The following SMARCC2 variants were observed in gnomAD, a reference collection of about 807,000 sequenced individuals.
SMARCC2 encodes SWI/SNF complex subunit SMARCC2.
In SMARCC2, 15 loss-of-function variants were observed where a neutral mutation model predicts 151.3. That is an observed-to-expected ratio of 0.10 (90% CI 0.07 to 0.15). The LOEUF (loss-of-function observed/expected upper bound fraction) is 0.15, where lower values mean the gene tolerates loss of function less well. Ranked by LOEUF, SMARCC2 falls within the 10% of genes least tolerant of loss-of-function variation. The probability of loss-of-function intolerance (pLI) is 1.00; values close to 1 mark genes in which losing one functional copy is unlikely to be tolerated. For missense variants in SMARCC2, 1,031 were observed against 1,599.7 expected, an observed-to-expected ratio of 0.64 and a Z score of 6.06; for synonymous variants, 590 against 609.5, an observed-to-expected ratio of 0.97 and a Z score of 0.47.
In SMARCC2 at chr12:56,169,610, TG is replaced by T. The variant is rs1873519323; in HGVS notation, c.2633del (p.Thr878LysfsTer25). ...EVVESEGERKTKVERDIGEGN... is the reference protein window; with the variant it reads ...EVVESEGERKXKVERDIGEGN... ...CCTCGCCAATGTCCCGCTCCACCTT[TG>T]TCTTCCTTTCCCCCTCAGACTCCAC... is the stretch of plus-strand genomic sequence containing the variant. On this transcript the variant is annotated frameshift_variant, in exon 25 of 29. Transcript: ENST00000550164. LOFTEE classifies it high-confidence loss of function. 1 of 1,613,920 alleles carries T rather than the reference TG, an allele frequency of 6.2e-7. No homozygotes were observed. Among genetic ancestry groups the T allele is most frequent in the African/African-American group, 1.3e-5 (1 of 74,926 alleles).
rs188694503 is a variant in SMARCC2 at position 56,167,665 on chromosome 12, C to A, written c.2850+395G>T. ...AATCACTATTTGAGTCTACTATGGG[C>A]CAAGCACTGTTCAAGGACCTGGAGA... On this transcript the variant is annotated intron_variant, in intron 26 of 28. Transcript: ENST00000550164. Among the ~76,000 whole-genome samples, 749 of 152,162 alleles carry A rather than the reference C, an allele frequency of 4.9e-3. 11 individuals carry two copies. The highest frequency in any genetic ancestry group is 0.017 in the African/African-American group (702 of 41,508).
rs1873587432 is a variant in SMARCC2, at chr12:56,169,908, G to C, written c.2416C>G (p.Pro806Ala). Residue 806 changes from proline to alanine, a missense_variant, in exon 24 of 29, where the codon CCC becomes GCC. By Grantham distance (27) the Pro-to-Ala change is conservative. Transcript: ENST00000550164. ...ATDEKKEPKE[P>A]REGGGAIEEE... ...TCTATAGCACCCCCTCCTTCTCGGG[G>C]TTCCTGAAATTCCAGTGATAGAAAA... 5.0e-6 allele frequency: 8 copies of C among 1,613,420 alleles called. No individual in the cohort carries two copies. Among genetic ancestry groups the C allele is most frequent in the Non-Finnish European group, 6.8e-6 (8 of 1,179,862 alleles).
intron 26 of SMARCC2, 31 bp from the exon 27 acceptor site, chr12:56,165,730 A>G: frequency 6.3e-7 from 1 of 1,599,622 alleles, no homozygotes; most frequent in Non-Finnish European, 8.5e-7. Flanking sequence ...TTGTTATCCA[A>G]TTTTCAGCAG....
At chr12:56,184,705 T>A (rs1369757384) in intron 5 of SMARCC2, 139 bp downstream of exon 5, 2 of 623,510 alleles carry the variant, frequency 3.2e-6, no homozygotes, top group Admixed American at 2.9e-5. Context: ...ACTCAAGGCT[T>A]TAACTCAAGT....
intron 23 of SMARCC2, 71 bp downstream of exon 23, chr12:56,170,073 G>A: frequency 6.7e-7 from 1 of 1,499,472 alleles, no homozygotes; most frequent in South Asian, 1.1e-5. Flanking sequence ...CACCTAAGCT[G>A]AACAAGGCCA....
chr12:56,171,260 C>CCTGG lies in SMARCC2; in HGVS notation c.2347+7_2347+10dup. The CCTGG allele has an allele frequency of 6.2e-7, 1 of 1,613,864 alleles. No individual in the cohort carries two copies. Among genetic ancestry groups the CCTGG allele is most frequent in the East Asian group, 2.2e-5 (1 of 44,874 alleles). ...GAAAGGCAAGAAATCTGGGAACCTG[C>CCTGG]CTGGCCTTACCAATCCGCTCAGGCT... On this transcript the variant is annotated intron_variant, in intron 22 of 28. Transcript: ENST00000550164. This position sits in a 1 kb window ranked among gnomAD's most constrained non-coding sequence, Gnocchi z 4.2.
chr12:56,178,321 G>A (rs1048192943), intron 14 of SMARCC2, 83 bp downstream of exon 14: 2 of 1,494,298 alleles, frequency 1.3e-6, no homozygotes, highest in African/African-American at 1.4e-5. Context: ...TAACTTATTT[G>A]GAGGAGGCAG....
At position 56,173,744 on chromosome 12, in the gene SMARCC2, C is replaced by G; in HGVS notation, c.1602G>C (p.Leu534Phe). The stretch of plus-strand genomic sequence containing the variant: ...GCACCAGCCCTGATGGTGTGTCAGC[C>G]AAGACATGGAAGTGAGAGGTAGGCG... The part of the protein sequence containing the change: ...GPPPTSHFHV[L>F]ADTPSGLVPL... Residue 534 changes from leucine (L) to phenylalanine (F), a missense_variant, in exon 17 of 29, where the codon TTG becomes TTC. By Grantham distance (22) the Leu-to-Phe change is conservative (BLOSUM62 0). This residue lies in a region of SMARCC2 where 99 missense variants were observed against 148.3 expected (regional missense o/e 0.67). Transcript: ENST00000550164. 1 of 1,614,078 alleles carries G rather than the reference C, an allele frequency of 6.2e-7. No homozygotes were observed. The highest frequency in any genetic ancestry group is 8.5e-7 in the Non-Finnish European group (1 of 1,179,968).
chr12:56,178,049 C>T lies in SMARCC2; in HGVS notation c.1355G>A (p.Gly452Asp). 6.2e-7 allele frequency: 1 copy of T among 1,612,994 alleles called. No homozygotes were observed. Residue 452 changes from glycine to aspartate, a missense_variant, in exon 15 of 29, where the codon GGC becomes GAC. Physicochemically the swap from Gly to Asp is moderately conservative, Grantham distance 94. Around this residue, in one of 12 missense-constraint regions of SMARCC2, gnomAD observed 51 missense variants for 135.1 expected, o/e 0.38. Transcript: ENST00000550164. ...ERRALPEFFN[G>D]KNKSKTPEIY... ...CTCTGGAGTCTTGGACTTGTTCTTG[C>T]CGTTGAAGAACTCGGGGAGAGCCCT...
Position 56,189,346 on chromosome 12 carries a change from C to T in SMARCC2, c.111+5G>A. 1 of 1,497,764 alleles carries T rather than the reference C, an allele frequency of 6.7e-7. No homozygotes were observed. The highest frequency in any genetic ancestry group is 2.7e-5 in the East Asian group (1 of 36,550). The allele number at this position is 1,497,764 out of a possible 1,614,324, so 92.8% of individuals were successfully genotyped here. The stretch of plus-strand genomic sequence containing the variant: ...TCCCCGCGCGGCCCGGCCCGGCCCG[C>T]GTACCTTCTTGTAGTTCTTGCCGAG... On this transcript the variant is annotated splice_donor_5th_base_variant and intron_variant, in intron 1 of 28. Coordinates refer to ENST00000550164, the MANE Select transcript of SMARCC2 (RefSeq NM_001330288.2).
At position 56,186,175 on chromosome 12, in the gene SMARCC2, T is replaced by C. The variant is rs1207903161; in HGVS notation, c.297A>G (p.Lys99=). 2.5e-6 allele frequency: 4 copies of C among 1,610,956 alleles called. No homozygotes were observed. Among genetic ancestry groups the C allele is most frequent in the Admixed American group, 1.7e-5 (1 of 60,010 alleles). ...SLCHILAAAY[K]FKSDQGWRRY... is the part of the protein sequence containing the mutation. ...CTCACCATCCCTGGTCACTCTTGAATTTGTAGGCAGCTGCAAGAATGTGGC... is the reference window on the plus strand; with the variant it reads ...CTCACCATCCCTGGTCACTCTTGAACTTGTAGGCAGCTGCAAGAATGTGGC... The change falls in exon 3 of 29, where the codon AAA becomes AAG. Residue 99 remains lysine, a synonymous_variant. Transcript: ENST00000550164.
chr12:56,174,310 C>G (rs796081653), intron 16 of SMARCC2, among the ~76,000 whole-genome samples: 8 of 152,168 alleles, frequency 5.3e-5, no homozygotes, highest in African/African-American at 1.9e-4. Flanking sequence ...TGGGGTTTTG[C>G]CATTTTGTCC....
chr12:56,171,559 G>C lies in SMARCC2; in HGVS notation c.2185+120C>G. 6.7e-7 allele frequency: 1 copy of C among 1,492,956 alleles called. No homozygotes were observed. The highest frequency in any genetic ancestry group is 9.1e-7 in the Non-Finnish European group (1 of 1,095,032). The allele number at this position is 1,492,956 out of a possible 1,614,324, so 92.5% of individuals were successfully genotyped here. On this transcript the variant is annotated intron_variant, in intron 21 of 28. Coordinates refer to ENST00000550164, the MANE Select transcript of SMARCC2 (RefSeq NM_001330288.2). The surrounding 1 kb of genome is among the most constrained non-coding windows in gnomAD (Gnocchi z 4.2). Reference sequence around the variant, plus strand: ...GTATGGAGCCTAGACAGGTGCCTGAGCTGAGGCCCGCACAGACAAGGCCAG... The same window carrying C: ...GTATGGAGCCTAGACAGGTGCCTGACCTGAGGCCCGCACAGACAAGGCCAG...
chr12:56,170,257 C>T (rs1316933359), intron 22 of SMARCC2, 49 bp from the exon 23 acceptor site: 9 of 1,484,300 alleles, frequency 6.1e-6, no homozygotes, highest in South Asian at 5.8e-5. Context: ...AATACACAGT[C>T]GTCTGTGTCT....
intron 6 of SMARCC2, 102 bp from the exon 7 acceptor site, chr12:56,184,032 G>C: frequency 9.4e-7 from 1 of 1,065,114 alleles, no homozygotes; most frequent in Non-Finnish European, 1.4e-6. Flanking sequence ...TTGTAGCAGG[G>C]GACTTGGTAA....
At chr12:56,183,327 T>G (rs1196022044) in intron 7 of SMARCC2, 1 of 151,810 alleles carries the variant, frequency 6.6e-6, no homozygotes, top group Non-Finnish European at 1.5e-5. Flanking sequence ...CTGCTAATTT[T>G]TTTTTTTTTT....
chr12:56,183,168 T>A (rs1876571350), intron 7 of SMARCC2, among the ~76,000 whole-genome samples: 1 of 152,052 alleles, frequency 6.6e-6, no homozygotes, highest in African/African-American at 2.4e-5. Flanking sequence ...TTGTTTTGTT[T>A]TGTTGAGACA....
chr12:56,171,568 C>T lies in SMARCC2; in HGVS notation c.2185+111G>A, dbSNP rs1873960789. ...CTAGACAGGTGCCTGAGCTGAGGCC[C>T]GCACAGACAAGGCCAGCAGGGCAGC... On this transcript the variant is annotated intron_variant, in intron 21 of 28. Coordinates refer to ENST00000550164, the MANE Select transcript of SMARCC2 (RefSeq NM_001330288.2). The surrounding 1 kb of genome is among the most constrained non-coding windows in gnomAD (Gnocchi z 4.2). 8.7e-6 allele frequency: 13 copies of T among 1,485,760 alleles called. No individual in the cohort carries two copies. The highest frequency in any genetic ancestry group is 6.4e-5 in the South Asian group (5 of 77,984). The allele number at this position is 1,485,760 out of a possible 1,614,324, so 92.0% of individuals were successfully genotyped here. A position where few individuals can be genotyped will look rare whatever the true frequency, so the allele number is the denominator to read the frequency against.
chr12:56,178,526 A>G lies in SMARCC2; in HGVS notation c.1188T>C (p.Asp396=). 1.2e-6 allele frequency: 2 copies of G among 1,614,180 alleles called. No homozygotes were observed. The highest frequency in any genetic ancestry group is 1.7e-6 in the Non-Finnish European group (2 of 1,180,038). Residue 396 remains aspartate (D), a synonymous_variant, in exon 14 of 29, where the codon GAT becomes GAC. Transcript: ENST00000550164. The part of the protein sequence containing the change: ...ESMETTGKDE[D]ENSTGNKGEQ... Reference sequence around the variant, plus strand: ...CTCCCTTGTTCCCCGTACTGTTCTCATCCTCATCCTACGAGTATGGAGGCT... The same window carrying G: ...CTCCCTTGTTCCCCGTACTGTTCTCGTCCTCATCCTACGAGTATGGAGGCT...
Sources: allele counts gnomAD v4.1 joint callset (sites outside exome capture counted in the v4.1 genomes callset), GRCh38; gene constraint gnomAD v4.1.1; regional missense constraint gnomAD v4.1.1; non-coding constraint Gnocchi (gnomAD v3.1); transcripts MANE v1.5; gene names NCBI Gene and HGNC (gene_info 2026-07-23, HGNC 2026-07-21).